Variants in HDX observed in about 807,000 individuals in gnomAD.
The protein encoded by HDX is highly divergent homeobox.
HDX carries 19 observed loss-of-function variants against 45.2 expected under a neutral mutation model. The ratio of observed to expected loss-of-function variants is 0.42; its 90% confidence interval spans 0.29 to 0.62. HDX has a LOEUF of 0.62. Among genes scored for constraint, HDX ranks in the 20% least tolerant of loss-of-function variants. HDX has a pLI of 0.20. For synonymous variants in HDX, 188 were observed against 172.8 expected (o/e 1.09, Z -0.69); for missense variants, 532 against 493.9 (o/e 1.08, Z -0.73).
chrX:84,493,031 G>A, intron 1 of HDX, among the ~76,000 whole-genome samples: 1 of 109,828 alleles, frequency 9.1e-6, no homozygotes, highest in Non-Finnish European at 1.9e-5. Context: ...TCCTGCCTCA[G>A]CCTCCGAGTA....
intron 5 of HDX, among the ~76,000 whole-genome samples, chrX:84,413,296 C>T (rs749240778): frequency 9.8e-5 from 11 of 112,018 alleles, no homozygotes; most frequent in South Asian, 3.7e-4. Flanking sequence ...GAGTCTTTGA[C>T]GTTACTGTCC....
Position 84,495,308 on chromosome X carries a change from T to C in HDX, c.-110+7034A>G, listed in dbSNP as rs764291503. Among the ~76,000 whole-genome samples the C allele has an allele frequency of 8.1e-5, 9 of 111,358 alleles. No homozygotes were observed. In the South Asian group the frequency reaches 3.4e-3, roughly 42 times the overall value. ...ACATGGTGACTACAGTTAATAACAA[T>C]GTATTGGATGCTTGAAAATTGCTAA... On this transcript the variant is annotated intron_variant, in intron 1 of 10. Coordinates refer to ENST00000373177, the MANE Select transcript of HDX (RefSeq NM_001177479.2).
chrX:84,410,197 A>G (rs948800867), intron 5 of HDX, among the ~76,000 whole-genome samples: 1 of 110,655 alleles, frequency 9.0e-6, no homozygotes, highest in African/African-American at 3.3e-5. Context: ...ACTATGGTGA[A>G]TAAGAGAGAT....
chrX:84,453,349 A>T (rs1312698549), intron 4 of HDX, among the ~76,000 whole-genome samples: 2 of 111,642 alleles, frequency 1.8e-5, no homozygotes, highest in South Asian at 3.7e-4. Context: ...TTAATAGCTG[A>T]CACCATACCT....
intron 5 of HDX, among the ~76,000 whole-genome samples, chrX:84,394,722 G>C (rs1477768056): frequency 9.0e-6 from 1 of 110,714 alleles, no homozygotes; most frequent in Non-Finnish European, 1.9e-5. Context: ...TTCTCTTGCT[G>C]AGTTGATCCC....
chrX:84,456,335 T>A (rs752387595), intron 4 of HDX, among the ~76,000 whole-genome samples: 2 of 111,337 alleles, frequency 1.8e-5, no homozygotes, highest in Non-Finnish European at 3.8e-5. Context: ...TAATGGGATA[T>A]AAGATATTAT....
Position 84,336,006 on chromosome X carries a change from C to CA in HDX, c.1740+794dup, listed in dbSNP as rs1220842387. On this transcript the variant is annotated intron_variant, in intron 8 of 10. Coordinates refer to ENST00000373177, the MANE Select transcript of HDX (RefSeq NM_001177479.2). The stretch of plus-strand genomic sequence containing the variant: ...AGTCACAGCCCTTTTGTAACAACAA[C>CA]AAAAAAATCAATTAAGAGGCTATTT... 3.7e-5 allele frequency among the ~76,000 whole-genome samples: 4 copies of CA among 107,783 alleles called. No homozygotes were observed. In the East Asian group the frequency reaches 1.2e-3, roughly 32 times the overall value. The allele number at this position is 107,783 out of a possible 115,157, so 93.6% of individuals were successfully genotyped here. A position where few individuals can be genotyped will look rare whatever the true frequency, so the allele number is the denominator to read the frequency against.
intron 5 of HDX, among the ~76,000 whole-genome samples, chrX:84,369,937 G>A (rs1271851074): frequency 8.9e-6 from 1 of 112,086 alleles, no homozygotes; most frequent in Non-Finnish European, 1.9e-5. Flanking sequence ...TTAATTTAAT[G>A]TGTCAATTTG....
At chrX:84,424,267 T>C (rs1046824351) in intron 5 of HDX, among the ~76,000 whole-genome samples, 16 of 110,535 alleles carry the variant, frequency 1.4e-4, no homozygotes. Flanking sequence ...AACTGAAACA[T>C]CTTTACAATA....
At chrX:84,429,569 TA>T (rs2039457227) in intron 5 of HDX, among the ~76,000 whole-genome samples, 1 of 110,999 alleles carries the variant, frequency 9.0e-6, no homozygotes, top group South Asian at 3.7e-4. Flanking sequence ...AGTAGCTTTT[TA>T]AATTAAATAC....
chrX:84,474,248 G>A (rs1341603382), intron 3 of HDX, among the ~76,000 whole-genome samples: 3 of 111,310 alleles, frequency 2.7e-5, no homozygotes, highest in Non-Finnish European at 3.8e-5. Flanking sequence ...GCTGAGATCC[G>A]GCCACTGCAC....
At chrX:84,416,334 T>C (rs1488821627) in intron 5 of HDX, among the ~76,000 whole-genome samples, 4 of 111,437 alleles carry the variant, frequency 3.6e-5, no homozygotes, top group African/African-American at 1.3e-4. Flanking sequence ...TGGTGATTTA[T>C]TGGTGGAATG....
In HDX at chrX:84,406,517, CAT is replaced by C. The variant is rs1569321665; in HGVS notation, c.1305+34013_1305+34014del. On this transcript the variant is annotated intron_variant, in intron 5 of 10. Coordinates refer to ENST00000373177, the MANE Select transcript of HDX (RefSeq NM_001177479.2). ...ACACACACATACACACACACACACA[CAT>C]ACACACACACACACACTCTATGTAT... is the stretch of plus-strand genomic sequence containing the variant. Among the ~76,000 whole-genome samples, 31 of 42,754 alleles carry C rather than the reference CAT, an allele frequency of 7.3e-4. No homozygotes were observed. The East Asian group carries it at 0.025, about 35-fold the overall frequency. 37.1% of individuals were successfully genotyped at this position (42,754 alleles called of 115,157 possible). A position where few individuals can be genotyped will look rare whatever the true frequency, so the allele number is the denominator to read the frequency against.
chrX:84,383,403 T>G (rs1024864099), intron 5 of HDX, among the ~76,000 whole-genome samples: 8 of 111,980 alleles, frequency 7.1e-5, no homozygotes, highest in Non-Finnish European at 1.1e-4. Context: ...TAATGTGTAG[T>G]ATGTATAGTT....
At chrX:84,326,322 G>C in intron 9 of HDX, 22 bp from the exon 10 acceptor site, 1 of 1,135,256 alleles carries the variant, frequency 8.8e-7, no homozygotes, top group Non-Finnish European at 1.2e-6. Flanking sequence ...AATACCAAAT[G>C]ATACAATTAC....
At chrX:84,408,610 G>A (rs185826165) in intron 5 of HDX, among the ~76,000 whole-genome samples, 10 of 102,902 alleles carry the variant, frequency 9.7e-5, no homozygotes, top group Non-Finnish European at 1.8e-4. Context: ...AATGCCATTG[G>A]TAGTTTGATC....
intron 5 of HDX, among the ~76,000 whole-genome samples, chrX:84,364,131 T>G (rs2037684669): frequency 9.0e-6 from 1 of 111,731 alleles, no homozygotes; most frequent in South Asian, 3.7e-4. Context: ...GATATAGGGA[T>G]GCAGAGTTTC....
chrX:84,414,196 C>T (rs1216133556), intron 5 of HDX, among the ~76,000 whole-genome samples: 1 of 111,649 alleles, frequency 9.0e-6, no homozygotes, highest in Non-Finnish European at 1.9e-5. Flanking sequence ...GTCATAATCA[C>T]CTGAGATATT....
intron 1 of HDX, among the ~76,000 whole-genome samples, chrX:84,495,060 C>T (rs1218208829): frequency 2.7e-5 from 3 of 109,920 alleles, no homozygotes; most frequent in Admixed American, 9.8e-5. Flanking sequence ...AGGGGAACCT[C>T]GAGGACTTTA....
Sources: allele counts gnomAD v4.1 joint callset (sites outside exome capture counted in the v4.1 genomes callset), GRCh38; gene constraint gnomAD v4.1.1; transcripts MANE v1.5; gene names NCBI Gene and HGNC (gene_info 2026-07-23, HGNC 2026-07-21).